Variants in AHSG observed in about 807,000 individuals in gnomAD.
AHSG encodes the protein alpha 2-HS glycoprotein.
A neutral mutation model predicts 30.1 loss-of-function variants in AHSG; 23 were observed. The observed-to-expected ratio is 0.76, with a 90% CI of 0.55 to 1.08. The LOEUF (loss-of-function observed/expected upper bound fraction) is 1.08. Ranked by LOEUF, AHSG falls within the 50% of genes least tolerant of loss-of-function variation. The pLI is 0.00. For missense variants in AHSG, 469 were observed against 459.5 expected (o/e 1.02, Z -0.19); for synonymous variants, 164 against 186.3 (o/e 0.88, Z 0.98).
rs564227661 is a variant in AHSG at position 186,614,111 on chromosome 3, C to G, written c.213+757C>G. Among the ~76,000 whole-genome samples the G allele has an allele frequency of 5.3e-5, 8 of 152,236 alleles. 1 individual carries two copies. Among genetic ancestry groups the G allele is most frequent in the African/African-American group, 1.9e-4 (8 of 41,550 alleles). On this transcript the variant is annotated intron_variant, in intron 1 of 6. Coordinates refer to ENST00000411641, the MANE Select transcript of AHSG (RefSeq NM_001622.4). ...CACACTAGACAGGAAACCAACGCAG[C>G]TTGAAGCCAGTGACAAGAAAAATCA...
intron 6 of AHSG, among the ~76,000 whole-genome samples, chr3:186,620,299 G>A (rs1314769973): frequency 6.6e-6 from 1 of 152,098 alleles, no homozygotes; most frequent in Non-Finnish European, 1.5e-5. Flanking sequence ...GGCACTGCTG[G>A]GCAAGGGTGA....
At chr3:186,614,640 T>C (rs1293116113) in intron 1 of AHSG, among the ~76,000 whole-genome samples, 2 of 152,198 alleles carry the variant, frequency 1.3e-5, no homozygotes, top group Non-Finnish European at 2.9e-5. Context: ...TAATCATGAA[T>C]GGGCATTGTG....
Position 186,620,924 on chromosome 3 carries a change from G to C in AHSG, c.1098G>C (p.Lys366Asn). The change falls in exon 7 of 7, where the codon AAG becomes AAC. Residue 366 changes from lysine to asparagine, a missense_variant. Physicochemically the swap from Lys to Asn is moderately conservative, Grantham distance 94. Coordinates refer to ENST00000411641, the MANE Select transcript of AHSG (RefSeq NM_001622.4). ...PPCPGRIRHF[K>N]V ...GTCCGGGGAGGATCAGACACTTCAA[G>C]GTCTAGGCTAGACATGGCAGAGATG... is the stretch of plus-strand genomic sequence containing the variant. The C allele has an allele frequency of 6.2e-7, 1 of 1,610,608 alleles. No individual in the cohort carries two copies. Among genetic ancestry groups the C allele is most frequent in the Non-Finnish European group, 8.5e-7 (1 of 1,177,214 alleles).
intron 1 of AHSG, among the ~76,000 whole-genome samples, chr3:186,615,067 G>A (rs1260945431): frequency 6.6e-6 from 1 of 152,036 alleles, no homozygotes; most frequent in Non-Finnish European, 1.5e-5. Context: ...CAGCATCGTT[G>A]CATGCCGGCA....
In AHSG at chr3:186,613,188, G is replaced by T; in HGVS notation, c.47G>T (p.Cys16Phe). 6 of 1,614,108 alleles carry T rather than the reference G, an allele frequency of 3.7e-6. No individual in the cohort carries two copies. The highest frequency in any genetic ancestry group is 5.1e-6 in the Non-Finnish European group (6 of 1,179,988). ...CTTTGTCTTGCTCAGCTCTGGGGCT[G>T]CCACTCAGCCCCACATGGCCCAGGG... ...LLLCLAQLWG[C>F]HSAPHGPGLI... Residue 16 changes from cysteine (C) to phenylalanine (F), a missense_variant, in exon 1 of 7, where the codon TGC (cysteine) becomes TTC (phenylalanine). Transcript: ENST00000411641.
chr3:186,614,189 A>G (rs941979268), intron 1 of AHSG, among the ~76,000 whole-genome samples: 1 of 152,244 alleles, frequency 6.6e-6, no homozygotes, highest in African/African-American at 2.4e-5. Context: ...GGTGGAAAGA[A>G]GCTGTCTGCC....
At position 186,613,354 on chromosome 3, in the gene AHSG, G is replaced by T; in HGVS notation, c.213G>T (p.Gln71His). ...NQIDEVKVWP[Q>H]QPSGELFEIE... ...TTGATGAAGTAAAGGTGTGGCCTCA[G>T]GTAAGTGGACCTGCTGTCTATGAGC... The change falls in exon 1 of 7, where the codon CAG (glutamine) becomes CAT (histidine). Residue 71 changes from glutamine (Q) to histidine (H), a missense_variant and splice_region_variant. Physicochemically the swap from Gln to His is conservative, Grantham distance 24 (BLOSUM62 0). Coordinates refer to ENST00000411641, the MANE Select transcript of AHSG (RefSeq NM_001622.4). 1.2e-6 allele frequency: 2 copies of T among 1,610,284 alleles called. No individual in the cohort carries two copies. Among genetic ancestry groups the T allele is most frequent in the East Asian group, 2.2e-5 (1 of 44,870 alleles).
At chr3:186,618,796 C>T (rs1266087116) in intron 5 of AHSG, among the ~76,000 whole-genome samples, 159 bp downstream of exon 5, 1 of 152,186 alleles carries the variant, frequency 6.6e-6, no homozygotes, top group African/African-American at 2.4e-5. Context: ...AGGGTGTCAC[C>T]TCATCCCTTT....
intron 2 of AHSG, 83 bp downstream of exon 2, chr3:186,615,878 G>T: frequency 7.9e-7 from 1 of 1,268,232 alleles, no homozygotes; most frequent in East Asian, 2.4e-5. Context: ...TGCCTTCTTG[G>T]CTAGCCAGGG....
chr3:186,615,978 C>G (rs867550030), intron 2 of AHSG, among the ~76,000 whole-genome samples, 183 bp downstream of exon 2: 27 of 152,134 alleles, frequency 1.8e-4, no homozygotes, highest in Admixed American at 7.9e-4. Flanking sequence ...AGTGGATCGC[C>G]TGAGGTCAGG....
chr3:186,619,834 A>G, intron 5 of AHSG, 23 bp from the exon 6 acceptor site: 1 of 1,587,164 alleles, frequency 6.3e-7, no homozygotes, highest in Non-Finnish European at 8.6e-7. Context: ...TAGTTAAAAT[A>G]AATCCTCTTT....
chr3:186,617,042 GC>G, intron 3 of AHSG, 144 bp from the exon 4 acceptor site: 2 of 1,483,236 alleles, frequency 1.3e-6, no homozygotes, highest in Non-Finnish European at 1.8e-6. Context: ...TGTCAGCATA[GC>G]AAAAGCCTTT....
Position 186,621,028 on chromosome 3 carries a change from G to T in AHSG, c.*98G>T. The T allele has an allele frequency of 8.5e-7, 1 of 1,172,824 alleles. No homozygotes were observed. The highest frequency in any genetic ancestry group is 1.2e-6 in the Non-Finnish European group (1 of 827,914). The allele number at this position is 1,172,824 out of a possible 1,614,324, so 72.7% of individuals were successfully genotyped here. On this transcript the variant is annotated 3_prime_UTR_variant, in exon 7 of 7. Transcript: ENST00000411641. ...GTGGGGGGCCTTGTCTGCTGGCCACGCAAGTGTCACATGCGATCTACATTA... is the reference window on the plus strand; with the variant it reads ...GTGGGGGGCCTTGTCTGCTGGCCACTCAAGTGTCACATGCGATCTACATTA...
chr3:186,619,939 A>G lies in AHSG; in HGVS notation c.758A>G (p.Gln253Arg). The change falls in exon 6 of 7, where the codon CAG becomes CGG. Residue 253 changes from glutamine to arginine, a missense_variant and splice_region_variant. Physicochemically the swap from Gln to Arg is conservative, Grantham distance 43 (BLOSUM62 1). Coordinates refer to ENST00000411641, the MANE Select transcript of AHSG (RefSeq NM_001622.4). Reference sequence around the variant, plus strand: ...GTGACCTGCATGGTGTTCCAAACACAGGTAACAGCTCCGTGAATATTCTTG... The same window carrying G: ...GTGACCTGCATGGTGTTCCAAACACGGGTAACAGCTCCGTGAATATTCTTG... ...VAVTCMVFQT[Q>R]PVSSQPQPEG... is the part of the protein sequence containing the mutation. 1.2e-6 allele frequency: 2 copies of G among 1,609,466 alleles called. No individual in the cohort carries two copies. The highest frequency in any genetic ancestry group is 1.7e-6 in the Non-Finnish European group (2 of 1,178,184).
At chr3:186,615,090 G>A (rs1386020405) in intron 1 of AHSG, among the ~76,000 whole-genome samples, 4 of 151,910 alleles carry the variant, frequency 2.6e-5, no homozygotes, top group Non-Finnish European at 5.9e-5. Flanking sequence ...TGCTGCACAA[G>A]CCAAGACAAA....
chr3:186,617,607 A>G (rs1716350535), intron 4 of AHSG: 1 of 604,324 alleles, frequency 1.7e-6, no homozygotes, highest in Non-Finnish European at 2.8e-6. Flanking sequence ...GCCGGCAGGT[A>G]CATCCCCACT....
chr3:186,615,371 T>G (rs995383380), intron 1 of AHSG, among the ~76,000 whole-genome samples: 1 of 152,108 alleles, frequency 6.6e-6, no homozygotes, highest in Non-Finnish European at 1.5e-5. Flanking sequence ...TAACACCCAT[T>G]TGTAGTTTTC....
intron 1 of AHSG, 97 bp downstream of exon 1, chr3:186,613,451 C>A: frequency 1.8e-6 from 2 of 1,133,898 alleles, no homozygotes; most frequent in Non-Finnish European, 2.5e-6. Flanking sequence ...AATGAAACCA[C>A]AGAGGAGTAA....
At chr3:186,618,661 T>A in intron 5 of AHSG, 24 bp downstream of exon 5, 1 of 1,612,646 alleles carries the variant, frequency 6.2e-7, no homozygotes, top group Non-Finnish European at 8.5e-7. Flanking sequence ...GACCTTGGGG[T>A]GTTACCACTC....
Sources: allele counts gnomAD v4.1 joint callset (sites outside exome capture counted in the v4.1 genomes callset), GRCh38; gene constraint gnomAD v4.1.1; transcripts MANE v1.5; gene names NCBI Gene and HGNC (gene_info 2026-07-23, HGNC 2026-07-21).